EIPR1: variants seen among roughly 807,000 people sequenced by gnomAD.
The protein encoded by EIPR1 is EARP complex and GARP complex interacting protein 1.
EIPR1 carries 25 observed loss-of-function variants against 48.1 expected under a neutral mutation model. The ratio of observed to expected loss-of-function variants is 0.52; its 90% CI spans 0.38 to 0.73. The LOEUF is 0.73. Ranked by LOEUF, EIPR1 falls within the 30% of genes least tolerant of loss-of-function variation. The pLI, the probability that EIPR1 is intolerant of heterozygous loss-of-function variation, is 0.00. For missense variants in EIPR1, 415 were observed against 506.2 expected (o/e 0.82, Z 1.73); for synonymous variants, 204 against 201.9 (o/e 1.01, Z -0.09).
chr2:3,344,840 A>G (rs1185047832), intron 2 of EIPR1, among the ~76,000 whole-genome samples: 2 of 151,956 alleles, frequency 1.3e-5, no homozygotes, highest in African/African-American at 4.8e-5. Context: ...ACAGGGTTTC[A>G]TCATATTGGC....
At chr2:3,283,300 C>T (rs1572393930) in intron 3 of EIPR1, among the ~76,000 whole-genome samples, 3 of 152,298 alleles carry the variant, frequency 2.0e-5, no homozygotes, top group Non-Finnish European at 2.9e-5. Flanking sequence ...AGCAGCATGG[C>T]GCACTGGTCC....
chr2:3,263,548 G>T (rs1667398130), intron 3 of EIPR1, among the ~76,000 whole-genome samples: 1 of 152,224 alleles, frequency 6.6e-6, no homozygotes, highest in African/African-American at 2.4e-5. Context: ...ACAACAAGCA[G>T]GAGTGGGCCC....
intron 2 of EIPR1, among the ~76,000 whole-genome samples, chr2:3,340,203 G>A (rs556010190): frequency 1.3e-5 from 2 of 152,322 alleles, no homozygotes; most frequent in African/African-American, 4.8e-5. Context: ...GGTCACCCCA[G>A]GGAGTCATTC....
intron 1 of EIPR1, among the ~76,000 whole-genome samples, chr2:3,363,039 T>G (rs1437829088): frequency 6.6e-6 from 1 of 152,210 alleles, no homozygotes; most frequent in Non-Finnish European, 1.5e-5. Context: ...GCGGCCTGCA[T>G]CTGCCCTTCT....
At chr2:3,231,741 T>C (rs952869160) in intron 4 of EIPR1, among the ~76,000 whole-genome samples, 8 of 152,350 alleles carry the variant, frequency 5.3e-5, no homozygotes, top group African/African-American at 1.9e-4. Context: ...GGTTTACTAA[T>C]ATTTTATCGA....
chr2:3,267,109 G>A (rs978126318), intron 3 of EIPR1, among the ~76,000 whole-genome samples: 1 of 152,208 alleles, frequency 6.6e-6, no homozygotes, highest in African/African-American at 2.4e-5. Context: ...CCCGGAAGCT[G>A]TGGCCCAAGT....
intron 7 of EIPR1, 122 bp from the exon 8 acceptor site, chr2:3,192,703 G>T: frequency 2.1e-6 from 2 of 972,484 alleles, no homozygotes; most frequent in Non-Finnish European, 3.0e-6. Flanking sequence ...CCAGGCAATC[G>T]GCCCCCAGTC....
At chr2:3,364,170 C>G (rs1434279590) in intron 1 of EIPR1, among the ~76,000 whole-genome samples, 1 of 152,036 alleles carries the variant, frequency 6.6e-6, no homozygotes, top group Non-Finnish European at 1.5e-5. Flanking sequence ...GGTAGATATT[C>G]AAAGGAAAGG....
chr2:3,217,939 T>C (rs975477779), intron 4 of EIPR1, among the ~76,000 whole-genome samples: 1 of 152,180 alleles, frequency 6.6e-6, no homozygotes, highest in African/African-American at 2.4e-5. Context: ...TCATAAGCTA[T>C]GCTAAATACA....
Position 3,265,260 on chromosome 2 carries a change from T to A in EIPR1, c.260-7805A>T, listed in dbSNP as rs114262460. On this transcript the variant is annotated intron_variant, in intron 3 of 8. Coordinates refer to ENST00000382125, the MANE Select transcript of EIPR1 (RefSeq NM_003310.5). Reference sequence around the variant, plus strand: ...AAATGAACGAAGCTGCACACGTTGCTGAGTAAGGAGTGTGCTTGGGGCTCA... The same window carrying A: ...AAATGAACGAAGCTGCACACGTTGCAGAGTAAGGAGTGTGCTTGGGGCTCA... 5.1e-3 allele frequency among the ~76,000 whole-genome samples: 781 copies of A among 152,254 alleles called. 4 individuals are homozygous for A. Among genetic ancestry groups the A allele is most frequent in the African/African-American group, 0.018 (729 of 41,550 alleles).
chr2:3,332,748 A>G (rs10865538), intron 3 of EIPR1, among the ~76,000 whole-genome samples: 68,289 of 152,064 alleles, frequency 0.45, 16,517 homozygotes, highest in East Asian at 0.81. Context: ...CATCATCTAT[A>G]TAGAAAACGT....
chr2:3,320,138 C>G (rs928994913), intron 3 of EIPR1: 2 of 189,054 alleles, frequency 1.1e-5, no homozygotes. Context: ...ACCACCCCTG[C>G]GGGCAACACC....
chr2:3,222,499 C>G (rs1665927754), intron 4 of EIPR1, among the ~76,000 whole-genome samples: 1 of 149,126 alleles, frequency 6.7e-6, no homozygotes, highest in African/African-American at 2.5e-5. Context: ...GGCTTAAAGA[C>G]TACAGGAGGT....
intron 3 of EIPR1, among the ~76,000 whole-genome samples, chr2:3,337,182 TG>T (rs1481537881): frequency 6.6e-6 from 1 of 151,858 alleles, no homozygotes; most frequent in Non-Finnish European, 1.5e-5. Flanking sequence ...CAGAACCCGG[TG>T]AAAGTGGAAT....
intron 5 of EIPR1, among the ~76,000 whole-genome samples, chr2:3,212,259 G>A (rs1665482096): frequency 1.3e-5 from 2 of 152,318 alleles, no homozygotes. Flanking sequence ...TGAGATGACC[G>A]AGGCTCTGAA....
intron 1 of EIPR1, among the ~76,000 whole-genome samples, chr2:3,372,964 T>C (rs1398080444): frequency 6.6e-6 from 1 of 152,084 alleles, no homozygotes; most frequent in South Asian, 2.1e-4. Flanking sequence ...TGATGAACAT[T>C]GATGCAAAAA....
intron 5 of EIPR1, among the ~76,000 whole-genome samples, chr2:3,199,084 C>CA (rs1231302922): frequency 1.5e-5 from 2 of 134,212 alleles, no homozygotes; most frequent in Non-Finnish European, 3.2e-5. Flanking sequence ...CCCGGGAATG[C>CA]ATTCTTTTCC....
chr2:3,285,958 C>T (rs1286086093), intron 3 of EIPR1, among the ~76,000 whole-genome samples: 1 of 152,158 alleles, frequency 6.6e-6, no homozygotes, highest in East Asian at 1.9e-4. Context: ...GCAGAAGTCA[C>T]CGATGTCTCC....
At chr2:3,265,072 T>C (rs1572373371) in intron 3 of EIPR1, among the ~76,000 whole-genome samples, 1 of 19,932 alleles carries the variant, frequency 5.0e-5, no homozygotes, top group East Asian at 3.5e-3. Context: ...TTCCAAAAGA[T>C]TATAAAATTG....
Sources: allele counts gnomAD v4.1 joint callset (sites outside exome capture counted in the v4.1 genomes callset), GRCh38; gene constraint gnomAD v4.1.1; transcripts MANE v1.5; gene names NCBI Gene and HGNC (gene_info 2026-07-23, HGNC 2026-07-21).